Variants in EPHA6 observed in about 807,000 individuals in gnomAD.
The protein encoded by EPHA6 is EPH receptor A6.
EPHA6 carries 50 observed loss-of-function variants against 112.0 expected under a neutral mutation model. That is an observed-to-expected ratio of 0.45 (90% CI 0.36 to 0.56). EPHA6 has a LOEUF of 0.56. EPHA6 is among the 20% of genes least tolerant of loss of function. The pLI is 0.00. For missense variants in EPHA6, 1,280 were observed against 1,417.4 expected (o/e 0.90, Z 1.56); for synonymous variants, 529 against 490.7 (o/e 1.08, Z -1.03).
intron 8 of EPHA6, 100 bp from the exon 9 acceptor site, chr3:97,479,194 G>A (rs2107475831): frequency 1.5e-6 from 1 of 656,672 alleles, no homozygotes; most frequent in Admixed American, 3.5e-5. Context: ...TGGTCTTTAT[G>A]ACAAGAAATT....
At chr3:96,922,596 T>G (rs551996581) in intron 2 of EPHA6, among the ~76,000 whole-genome samples, 1 of 152,324 alleles carries the variant, frequency 6.6e-6, no homozygotes, top group African/African-American at 2.4e-5. Context: ...ATGATAAAAA[T>G]GTATGATATT....
chr3:97,271,948 C>G (rs188180060), intron 5 of EPHA6, among the ~76,000 whole-genome samples: 25 of 151,520 alleles, frequency 1.6e-4, no homozygotes, highest in African/African-American at 6.1e-4. Context: ...TTAAGAGCAT[C>G]TTCAATCTAT....
chr3:97,480,238 T>TTA (rs2091493091), intron 9 of EPHA6, among the ~76,000 whole-genome samples: 3 of 152,008 alleles, frequency 2.0e-5, no homozygotes, highest in Non-Finnish European at 4.4e-5. Flanking sequence ...TTTATTTATT[T>TTA]TTTTTAGTAT....
intron 1 of EPHA6, among the ~76,000 whole-genome samples, chr3:96,852,764 TAAC>T (rs1451462588): frequency 6.6e-6 from 1 of 152,094 alleles, no homozygotes; most frequent in Admixed American, 6.6e-5. Flanking sequence ...ATGCAGATAA[TAAC>T]TGCATCTGTT....
intron 5 of EPHA6, among the ~76,000 whole-genome samples, chr3:97,256,713 G>C (rs1197724707): frequency 2.0e-5 from 3 of 151,930 alleles, no homozygotes; most frequent in African/African-American, 7.2e-5. Flanking sequence ...AGGAGATGTG[G>C]TGGCAGGTTT....
At chr3:97,517,954 T>C (rs760851061) in intron 10 of EPHA6, among the ~76,000 whole-genome samples, 38 of 152,206 alleles carry the variant, frequency 2.5e-4, no homozygotes, top group Non-Finnish European at 5.3e-4. Context: ...AGTACTCCAA[T>C]GTGTGTATAT....
chr3:97,077,041 T>C (rs546259342), intron 3 of EPHA6, among the ~76,000 whole-genome samples: 1 of 152,268 alleles, frequency 6.6e-6, no homozygotes, highest in South Asian at 2.1e-4. Context: ...ACATCTGTGC[T>C]ATAGCCCATA....
intron 1 of EPHA6, among the ~76,000 whole-genome samples, chr3:96,861,924 G>T (rs987185202): frequency 1.3e-5 from 2 of 151,842 alleles, no homozygotes; most frequent in Admixed American, 1.3e-4. Flanking sequence ...TTGATTTAAA[G>T]CAATCTATGT....
At chr3:96,875,547 G>A (rs2036894957) in intron 2 of EPHA6, among the ~76,000 whole-genome samples, 1 of 151,996 alleles carries the variant, frequency 6.6e-6, no homozygotes, top group Admixed American at 6.6e-5. Flanking sequence ...AGAAAAGCAG[G>A]TAACAATGAT....
intron 12 of EPHA6, among the ~76,000 whole-genome samples, chr3:97,603,220 T>A (rs1382103061): frequency 1.3e-5 from 2 of 151,956 alleles, no homozygotes; most frequent in African/African-American, 4.8e-5. Flanking sequence ...GAAACCTTTT[T>A]TCCTATATGA....
chr3:96,967,260 A>T (rs1391710832), intron 2 of EPHA6, among the ~76,000 whole-genome samples: 1 of 149,890 alleles, frequency 6.7e-6, no homozygotes, highest in East Asian at 1.9e-4. Flanking sequence ...TTTAGATGAT[A>T]TATATTATAT....
intron 10 of EPHA6, among the ~76,000 whole-genome samples, chr3:97,509,908 C>T (rs898863007): frequency 1.3e-5 from 2 of 152,136 alleles, no homozygotes; most frequent in African/African-American, 4.8e-5. Flanking sequence ...TTTCTCTAAT[C>T]TTGTCTTCAT....
chr3:97,085,124 A>G (rs1192131720), intron 3 of EPHA6, among the ~76,000 whole-genome samples: 1 of 152,142 alleles, frequency 6.6e-6, no homozygotes, highest in African/African-American at 2.4e-5. Context: ...TTATAACCGG[A>G]TACTGTGCTT....
chr3:97,126,035 C>T (rs1024535119), intron 3 of EPHA6, among the ~76,000 whole-genome samples: 5 of 152,102 alleles, frequency 3.3e-5, no homozygotes, highest in African/African-American at 9.7e-5. Context: ...GGCAAGGAGG[C>T]GAGTATTCAA....
intron 5 of EPHA6, among the ~76,000 whole-genome samples, chr3:97,358,498 A>G (rs78840251): frequency 0.016 from 2,466 of 152,234 alleles, 80 homozygotes; most frequent in African/African-American, 0.056. Flanking sequence ...TTGCAAACCA[A>G]ACTTACAATT....
At chr3:97,043,407 A>G (rs914222699) in intron 3 of EPHA6, among the ~76,000 whole-genome samples, 5 of 152,174 alleles carry the variant, frequency 3.3e-5, no homozygotes, top group African/African-American at 1.2e-4. Context: ...GCAGGAATAT[A>G]ATGGACACTT....
chr3:96,903,057 A>G (rs2038706123), intron 2 of EPHA6, among the ~76,000 whole-genome samples: 1 of 152,160 alleles, frequency 6.6e-6, no homozygotes, highest in Non-Finnish European at 1.5e-5. Context: ...ACTGATATAA[A>G]AGTTATAGAC....
At chr3:96,930,189 TA>T (rs2040240401) in intron 2 of EPHA6, among the ~76,000 whole-genome samples, 3 of 152,364 alleles carry the variant, frequency 2.0e-5, no homozygotes, top group African/African-American at 7.2e-5. Flanking sequence ...CAAAGTTTGT[TA>T]TTACCTACCT....
At chr3:97,315,431 T>C (rs2081776683) in intron 5 of EPHA6, among the ~76,000 whole-genome samples, 1 of 151,694 alleles carries the variant, frequency 6.6e-6, no homozygotes, top group Admixed American at 6.6e-5. Flanking sequence ...AGATGACTTT[T>C]AAATATCTTC....
Sources: gnomAD v4.1 joint callset for allele counts (sites outside exome capture counted in the v4.1 genomes callset) on GRCh38, gnomAD v4.1.1 for gene constraint, MANE v1.5 for transcripts, NCBI Gene and HGNC (gene_info 2026-07-23, HGNC 2026-07-21) for gene names.